The following FBXO10 variants were observed in gnomAD, a reference collection of about 807,000 sequenced individuals.
The protein encoded by FBXO10 is F-box only protein 10.
In FBXO10, 39 loss-of-function variants were observed where a neutral mutation model predicts 80.7. That is an observed-to-expected ratio of 0.48 (90% confidence interval 0.37 to 0.63). FBXO10 has a LOEUF of 0.63. FBXO10 is among the 30% of genes least tolerant of loss of function. The pLI is 0.00. For synonymous variants in FBXO10, 449 were observed against 489.6 expected (o/e 0.92, Z 1.09); for missense variants, 1,025 against 1,269.0 (o/e 0.81, Z 2.92).
In FBXO10 at chr9:37,522,958, A is replaced by G; in HGVS notation, c.1797T>C (p.Asn599=). 1 of 1,594,610 alleles carries G rather than the reference A, an allele frequency of 6.3e-7. No individual in the cohort carries two copies. Among genetic ancestry groups the G allele is most frequent in the Non-Finnish European group, 8.5e-7 (1 of 1,170,888 alleles). Residue 599 remains asparagine, a synonymous_variant, in exon 7 of 11, where the codon AAT becomes AAC. Transcript: ENST00000432825. Reference sequence around the variant, plus strand: ...GGCGGATGTCCACACCTCCCCACTGATTCTCACGGATGACATTTTCTATGG... The same window carrying G: ...GGCGGATGTCCACACCTCCCCACTGGTTCTCACGGATGACATTTTCTATGG... The part of the protein sequence containing the change: ...GLITENVIRE[N]QWGGVDIRRG...
chr9:37,545,990 T>C (rs1475534737), intron 1 of FBXO10, among the ~76,000 whole-genome samples: 1 of 151,874 alleles, frequency 6.6e-6, no homozygotes, highest in Admixed American at 6.6e-5. Flanking sequence ...CTGCTAAAAA[T>C]ACAAAATTAG....
At chr9:37,544,960 C>G (rs1177713647) in intron 1 of FBXO10, among the ~76,000 whole-genome samples, 1 of 138,228 alleles carries the variant, frequency 7.2e-6, no homozygotes, top group Non-Finnish European at 1.5e-5. Context: ...CGCCACTGCA[C>G]TCCAGCCTGG....
At chr9:37,553,936 A>AAAAAAAAG (rs1554648219) in intron 1 of FBXO10, among the ~76,000 whole-genome samples, 8 of 148,948 alleles carry the variant, frequency 5.4e-5, no homozygotes, top group African/African-American at 2.0e-4. Context: ...AAAAAAAAAA[A>AAAAAAAAG]AAAGAAAGAA....
chr9:37,539,245 T>A (rs1187891855), intron 2 of FBXO10, among the ~76,000 whole-genome samples: 3 of 152,276 alleles, frequency 2.0e-5, no homozygotes, highest in Admixed American at 2.0e-4. Flanking sequence ...TTTTCCTTGC[T>A]ATTTAAATCC....
intron 3 of FBXO10, among the ~76,000 whole-genome samples, chr9:37,534,998 T>C (rs1339155747): frequency 1.3e-5 from 2 of 151,972 alleles, no homozygotes; most frequent in African/African-American, 4.8e-5. Context: ...TGCCATCACG[T>C]AGGGTGACAA....
chr9:37,523,004 C>A, intron 6 of FBXO10, 27 bp from the exon 7 acceptor site: 1 of 1,577,660 alleles, frequency 6.3e-7, no homozygotes, highest in Non-Finnish European at 8.6e-7. Flanking sequence ...AAAAGAAGGT[C>A]AGTACCCAAG....
At chr9:37,559,925 AT>A (rs1397196779) in intron 1 of FBXO10, among the ~76,000 whole-genome samples, 1 of 152,254 alleles carries the variant, frequency 6.6e-6, no homozygotes, top group Non-Finnish European at 1.5e-5. Context: ...GTTTGTTACC[AT>A]AGCAGAGGCT....
intron 1 of FBXO10, among the ~76,000 whole-genome samples, chr9:37,559,287 T>C (rs932793186): frequency 3.9e-5 from 6 of 152,142 alleles, no homozygotes; most frequent in Non-Finnish European, 7.4e-5. Flanking sequence ...ACAAGCTCCC[T>C]GGTGATTGTG....
At chr9:37,523,938 T>C (rs1448719711) in intron 6 of FBXO10, among the ~76,000 whole-genome samples, 3 of 152,074 alleles carry the variant, frequency 2.0e-5, no homozygotes, top group African/African-American at 7.2e-5. Context: ...AATAAATAAA[T>C]AAACTGGCTT....
In FBXO10 at chr9:37,525,312, T is replaced by C. The variant is rs12001937; in HGVS notation, c.1707-140A>G. 4.1e-4 allele frequency: 300 copies of C among 726,074 alleles called. No homozygotes were observed. The African/African-American group carries it at 4.6e-3, about 11-fold the overall frequency. The allele number at this position is 726,074 out of a possible 1,614,324, so 45.0% of individuals were successfully genotyped here. A position where few individuals can be genotyped will look rare whatever the true frequency, so the allele number is the denominator to read the frequency against. On this transcript the variant is annotated intron_variant, in intron 5 of 10. Transcript: ENST00000432825. Reference sequence around the variant, plus strand: ...AGCCGGGTGTGGTGGTGTGCACCTGTAGTCCCAGCTTCTTGGGAGGCTGGG... The same window carrying C: ...AGCCGGGTGTGGTGGTGTGCACCTGCAGTCCCAGCTTCTTGGGAGGCTGGG...
intron 10 of FBXO10, among the ~76,000 whole-genome samples, chr9:37,513,897 C>T (rs1198559696): frequency 1.3e-5 from 2 of 152,122 alleles, no homozygotes; most frequent in Non-Finnish European, 2.9e-5. Context: ...GCCACGATTT[C>T]TTTTATATGA....
intron 2 of FBXO10, among the ~76,000 whole-genome samples, chr9:37,540,721 C>A (rs775795614): frequency 6.6e-6 from 1 of 152,206 alleles, no homozygotes; most frequent in Non-Finnish European, 1.5e-5. Context: ...TGGTAAAAGC[C>A]TGCCCTTCCT....
intron 1 of FBXO10, among the ~76,000 whole-genome samples, chr9:37,565,595 C>T (rs1380591062): frequency 6.6e-6 from 1 of 152,214 alleles, no homozygotes; most frequent in East Asian, 1.9e-4. Flanking sequence ...GGCATTTTAA[C>T]AACATCACCA....
At chr9:37,534,632 C>T (rs1821710994) in intron 3 of FBXO10, among the ~76,000 whole-genome samples, 1 of 152,136 alleles carries the variant, frequency 6.6e-6, no homozygotes, top group South Asian at 2.1e-4. Flanking sequence ...GTAGCTGCAC[C>T]TGTTCACTTC....
chr9:37,543,786 T>C (rs533009387), intron 1 of FBXO10, among the ~76,000 whole-genome samples: 1 of 152,320 alleles, frequency 6.6e-6, no homozygotes, highest in African/African-American at 2.4e-5. Context: ...GCCAAGTAGA[T>C]GACCTAGAGC....
In FBXO10 at chr9:37,520,243, C is replaced by T. The variant is rs536942110; in HGVS notation, c.2200+1326G>A. On this transcript the variant is annotated intron_variant, in intron 8 of 10. Coordinates refer to ENST00000432825, the MANE Select transcript of FBXO10 (RefSeq NM_012166.3). ...TTGATAATCAGGAGGCTTTGGGAGC[C>T]CTGGAGTTAGGTGAACTACACAGTA... Among the ~76,000 whole-genome samples, 272 of 147,968 alleles carry T rather than the reference C, an allele frequency of 1.8e-3. 1 individual carries two copies. The highest frequency in any genetic ancestry group is 6.4e-3 in the African/African-American group (254 of 39,914).
intron 8 of FBXO10, 49 bp from the exon 9 acceptor site, chr9:37,518,487 G>A: frequency 1.4e-6 from 2 of 1,474,220 alleles, no homozygotes; most frequent in South Asian, 2.7e-5. Context: ...GGTCAGCCCT[G>A]ACACCACCAG....
intron 1 of FBXO10, among the ~76,000 whole-genome samples, chr9:37,559,211 T>C (rs1348069758): frequency 6.6e-6 from 1 of 152,224 alleles, no homozygotes; most frequent in Non-Finnish European, 1.5e-5. Context: ...TGGGGCCTAT[T>C]CCTAGCTTCA....
rs373004926 is a variant in FBXO10, at chr9:37,541,413, T to A, written c.356A>T (p.Asp119Val). The change falls in exon 2 of 11, where the codon GAC (aspartate) becomes GTC (valine). Residue 119 changes from aspartate to valine, a missense_variant. By Grantham distance (152) the Asp-to-Val change is radical. Transcript: ENST00000432825. ...TLSVGPGREF[D>V]SLGSALAMAS... ...CATGGCCAAGGCACTGCCCAGGCTG[T>A]CAAACTCACGGCCTGGCCCAACACT... 1 of 1,613,800 alleles carries A rather than the reference T, an allele frequency of 6.2e-7. No individual in the cohort carries two copies.
Sources: allele counts gnomAD v4.1 joint callset (sites outside exome capture counted in the v4.1 genomes callset), GRCh38; gene constraint gnomAD v4.1.1; transcripts MANE v1.5; gene names NCBI Gene and HGNC (gene_info 2026-07-23, HGNC 2026-07-21).